MYPN: variants seen among roughly 807,000 people sequenced by gnomAD.
MYPN encodes the protein myopalladin.
A neutral mutation model predicts 129.4 loss-of-function variants in MYPN; 63 were observed. That is an observed-to-expected ratio of 0.49 (90% confidence interval 0.40 to 0.60). The LOEUF is 0.60. Ranked by LOEUF, MYPN falls within the 20% of genes least tolerant of loss-of-function variation. The probability of loss-of-function intolerance (pLI) is 0.00; values close to 1 mark genes in which losing one functional copy is unlikely to be tolerated. For missense variants in MYPN, 1,596 were observed against 1,635.4 expected (o/e 0.98, Z 0.42); for synonymous variants, 629 against 600.9 (o/e 1.05, Z -0.68).
chr10:68,172,843 C>T (rs569674873), intron 10 of MYPN, among the ~76,000 whole-genome samples: 17 of 152,202 alleles, frequency 1.1e-4, no homozygotes, highest in South Asian at 2.1e-4. Context: ...GAGGCCAAGA[C>T]GGGCAGATCA....
intron 13 of MYPN, among the ~76,000 whole-genome samples, chr10:68,191,755 A>T (rs1233163866): frequency 6.6e-6 from 1 of 151,726 alleles, no homozygotes. Flanking sequence ...CATTTTACTT[A>T]TTTATTTTTG....
chr10:68,106,023 G>A (rs1194441735), upstream of MYPN: 2 of 381,460 alleles, frequency 5.2e-6, no homozygotes, highest in Non-Finnish European at 1.0e-5. Context: ...GACTGTCCCT[G>A]GATCTGCAAC....
At chr10:68,173,375 G>C (rs4584466) in intron 10 of MYPN, among the ~76,000 whole-genome samples, 62,003 of 151,918 alleles carry the variant, frequency 0.41, 14,181 homozygotes, top group Non-Finnish European at 0.52. Flanking sequence ...TCAGAACTTT[G>C]AGCACTGCCT....
intron 2 of MYPN, among the ~76,000 whole-genome samples, chr10:68,123,665 G>A (rs978467283): frequency 1.3e-5 from 2 of 149,084 alleles, no homozygotes; most frequent in Admixed American, 1.4e-4. Context: ...CAGCCTGGGC[G>A]ACAGAGCGAG....
chr10:68,163,484 C>T (rs2043009621), intron 8 of MYPN, among the ~76,000 whole-genome samples: 1 of 151,948 alleles, frequency 6.6e-6, no homozygotes, highest in African/African-American at 2.4e-5. Flanking sequence ...AAAAAATTAG[C>T]CCGGCGTGGT....
rs1161034292 is a variant in MYPN, at chr10:68,109,676, G to A, written c.-49G>A. On this transcript the variant is annotated 5_prime_UTR_variant, in exon 1 of 20. Transcript: ENST00000358913. Reference sequence around the variant, plus strand: ...TCCCTGGATAATTATCATTGCAGTGGAGTGCCTGGATTGGACATCCTCATC... The same window carrying A: ...TCCCTGGATAATTATCATTGCAGTGAAGTGCCTGGATTGGACATCCTCATC... The A allele has an allele frequency of 1.1e-5, 5 of 454,000 alleles. No homozygotes were observed. The highest frequency in any genetic ancestry group is 2.2e-5 in the Non-Finnish European group (5 of 226,786). The allele number at this position is 454,000 out of a possible 1,614,324, so 28.1% of individuals were successfully genotyped here.
Position 68,174,495 on chromosome 10 carries a change from C to T in MYPN, c.2403C>T (p.Ile801=). ...EPTPPPFTFS[I]PSGNQFQPRC... ...CACCACCACCATTCACATTTTCCATCCCCAGCGGAAACCAGTTTCAGCCCC... is the reference window on the plus strand; with the variant it reads ...CACCACCACCATTCACATTTTCCATTCCCAGCGGAAACCAGTTTCAGCCCC... Residue 801 remains isoleucine (I), a synonymous_variant, in exon 11 of 20, where the codon ATC becomes ATT. Transcript: ENST00000358913. 1 of 1,614,056 alleles carries T rather than the reference C, an allele frequency of 6.2e-7. No individual in the cohort carries two copies. The highest frequency in any genetic ancestry group is 8.5e-7 in the Non-Finnish European group (1 of 1,179,958).
chr10:68,178,945 C>T (rs577469774), intron 12 of MYPN, among the ~76,000 whole-genome samples: 1 of 151,772 alleles, frequency 6.6e-6, no homozygotes, highest in Non-Finnish European at 1.5e-5. Context: ...TTTCCCATCT[C>T]GTTATTTGGT....
chr10:68,095,538 A>G (rs73265234), intron 1 of MYPN, among the ~76,000 whole-genome samples: 15,105 of 152,160 alleles, frequency 0.099, 2,054 homozygotes, highest in African/African-American at 0.31. Flanking sequence ...CAAACTGAGT[A>G]CCTAGAACCA....
intron 2 of MYPN, among the ~76,000 whole-genome samples, chr10:68,141,225 TG>T (rs372565373): frequency 1.5e-3 from 222 of 151,902 alleles, no homozygotes; most frequent in African/African-American, 4.9e-3. Flanking sequence ...AAAAATTAGC[TG>T]GGCGTGGTGG....
At chr10:68,165,420 C>G (rs2043038279) in intron 8 of MYPN, 1 of 488,400 alleles carries the variant, frequency 2.0e-6, no homozygotes, top group Non-Finnish European at 4.0e-6. Context: ...CCACTGCGCT[C>G]CAGCCTGGGC....
In MYPN at chr10:68,142,878, GCTGT is replaced by G. The variant is rs200668357; in HGVS notation, c.903-59_903-56del. The G allele has an allele frequency of 3.3e-3, 4,825 of 1,447,984 alleles. 143 individuals are homozygous for G. In the African/African-American group the frequency reaches 0.06, roughly 18 times the overall value. 89.7% of individuals were successfully genotyped at this position (1,447,984 alleles called of 1,614,324 possible). A position where few individuals can be genotyped will look rare whatever the true frequency, so the allele number is the denominator to read the frequency against. ...AAGCTCATTTAAGAGAATATCTGGAGCTGTCTATGTTATTGTCTTGCATTTGAGT... is the reference window on the plus strand; with the variant it reads ...AAGCTCATTTAAGAGAATATCTGGAGCTATGTTATTGTCTTGCATTTGAGT... On this transcript the variant is annotated intron_variant, in intron 2 of 19. Coordinates refer to ENST00000358913, the MANE Select transcript of MYPN (RefSeq NM_032578.4).
At chr10:68,191,061 C>T (rs911849769) in intron 13 of MYPN, among the ~76,000 whole-genome samples, 38 of 151,868 alleles carry the variant, frequency 2.5e-4, no homozygotes, top group Admixed American at 2.1e-3. Flanking sequence ...TATTTTTTTG[C>T]GAGTACCATG....
chr10:68,170,056 T>G (rs956754750), intron 10 of MYPN, among the ~76,000 whole-genome samples: 1 of 152,084 alleles, frequency 6.6e-6, no homozygotes, highest in Non-Finnish European at 1.5e-5. Context: ...GTCACACTCT[T>G]GATGTTAGAA....
chr10:68,097,917 T>C (rs904012246), intron 1 of MYPN, among the ~76,000 whole-genome samples: 6 of 152,194 alleles, frequency 3.9e-5, no homozygotes, highest in Admixed American at 2.0e-4. Flanking sequence ...ATTTAGTTCA[T>C]GTGCATCATT....
chr10:68,122,567 A>G (rs2042261998), intron 2 of MYPN, among the ~76,000 whole-genome samples: 1 of 152,254 alleles, frequency 6.6e-6, no homozygotes, highest in African/African-American at 2.4e-5. Flanking sequence ...ACCAGGTGAA[A>G]TTAAAGTTAA....
intron 4 of MYPN, among the ~76,000 whole-genome samples, chr10:68,147,217 C>T (rs199511268): frequency 1.4e-4 from 21 of 152,118 alleles, no homozygotes; most frequent in Non-Finnish European, 2.2e-4. Context: ...TGCTGTAGTG[C>T]GATCTCAGCT....
intron 1 of MYPN, among the ~76,000 whole-genome samples, chr10:68,088,948 T>C (rs759135271): frequency 4.6e-5 from 7 of 152,200 alleles, no homozygotes; most frequent in Non-Finnish European, 7.3e-5. Context: ...AAACCATTAA[T>C]CTACTTTCTG....
rs10823147 is a variant in MYPN at position 68,165,419 on chromosome 10, T to C, written c.1484-283T>C. ...GTGAGCCGAGATCTTGCCACTGCGC[T>C]CCAGCCTGGGCAACAGAGCGAGACT... On this transcript the variant is annotated intron_variant, in intron 8 of 19. Transcript: ENST00000358913. The C allele has an allele frequency of 0.45, 217,874 of 486,596 alleles. 53,030 individuals are homozygous for C. The highest frequency in any genetic ancestry group is 0.53 in the Non-Finnish European group (130,512 of 247,390). The allele number at this position is 486,596 out of a possible 1,614,324, so 30.1% of individuals were successfully genotyped here.
Sources: gnomAD v4.1 joint callset for allele counts (sites outside exome capture counted in the v4.1 genomes callset) on GRCh38, gnomAD v4.1.1 for gene constraint, MANE v1.5 for transcripts, NCBI Gene and HGNC (gene_info 2026-07-23, HGNC 2026-07-21) for gene names.